Variants in GRM5 observed in about 807,000 individuals in gnomAD.
GRM5 encodes the protein metabotropic glutamate receptor 5.
GRM5 carries 19 observed loss-of-function variants against 83.1 expected under a neutral mutation model. The ratio of observed to expected loss-of-function variants is 0.23; its 90% CI spans 0.16 to 0.34. The LOEUF (loss-of-function observed/expected upper bound fraction) is 0.34, where lower values mean the gene tolerates loss of function less well. Among genes scored for constraint, GRM5 ranks in the 10% least tolerant of loss-of-function variants. The probability of loss-of-function intolerance (pLI) is 1.00; values close to 1 mark genes in which losing one functional copy is unlikely to be tolerated. For synonymous variants in GRM5, 675 were observed against 633.6 expected (o/e 1.07, Z -0.98); for missense variants, 1,160 against 1,588.3 (o/e 0.73, Z 4.58).
chr11:88,678,869 A>G (rs1049064252), intron 3 of GRM5, among the ~76,000 whole-genome samples: 8 of 152,080 alleles, frequency 5.3e-5, no homozygotes, highest in Admixed American at 1.3e-4. Context: ...AAGAAAAAGT[A>G]TCCCATTTGA....
At chr11:88,812,353 A>C (rs1943602823) in intron 3 of GRM5, among the ~76,000 whole-genome samples, 1 of 152,154 alleles carries the variant, frequency 6.6e-6, no homozygotes, top group South Asian at 2.1e-4. Flanking sequence ...GTTATGTCTG[A>C]ATAAGAATCT....
chr11:88,893,174 T>C (rs998804509), intron 2 of GRM5, among the ~76,000 whole-genome samples: 1 of 151,336 alleles, frequency 6.6e-6, no homozygotes, highest in African/African-American at 2.4e-5. Flanking sequence ...AAAAGAAGTA[T>C]GAAAGTTTTA....
At chr11:88,725,869 A>T (rs1217807322) in intron 3 of GRM5, among the ~76,000 whole-genome samples, 1 of 151,482 alleles carries the variant, frequency 6.6e-6, no homozygotes, top group Admixed American at 6.6e-5. Context: ...TCCACAAAAA[A>T]CTCCATCTGA....
chr11:88,509,380 G>T lies in GRM5; in HGVS notation c.2851C>A (p.Pro951Thr). 1 of 1,612,584 alleles carries T rather than the reference G, an allele frequency of 6.2e-7. No individual in the cohort carries two copies. The change falls in exon 10 of 10, where the codon CCC (proline) becomes ACC (threonine). Residue 951 changes from proline to threonine, a missense_variant. This residue lies in a region of GRM5 where 562 missense variants were observed against 532.4 expected (regional missense o/e 1.06). Coordinates refer to ENST00000305447, the MANE Select transcript of GRM5 (RefSeq NM_001143831.3). ...ENPNQTAVIK[P>T]FPKSTESRGL... ...CGGCTCTCCGTGCTCTTGGGGAAGG[G>T]CTTGATGACGGCCGTTTGGTTGGGG...
chr11:88,711,091 G>A (rs1359372616), intron 3 of GRM5, among the ~76,000 whole-genome samples: 1 of 152,004 alleles, frequency 6.6e-6, no homozygotes, highest in Non-Finnish European at 1.5e-5. Flanking sequence ...TGCACCATTG[G>A]GGCCTACTTA....
intron 6 of GRM5, among the ~76,000 whole-genome samples, chr11:88,596,032 TG>T (rs1262628118): frequency 6.6e-6 from 1 of 152,228 alleles, no homozygotes; most frequent in Non-Finnish European, 1.5e-5. Flanking sequence ...CTTTAATCAC[TG>T]GATGGCTATT....
chr11:88,929,253 G>T lies in GRM5; in HGVS notation c.662-79098C>A, dbSNP rs187970086. Among the ~76,000 whole-genome samples, 386 of 151,898 alleles carry T rather than the reference G, an allele frequency of 2.5e-3. 2 individuals are homozygous for T. The highest frequency in any genetic ancestry group is 9.1e-3 in the African/African-American group (377 of 41,448). On this transcript the variant is annotated intron_variant, in intron 2 of 9. Transcript: ENST00000305447. ...GAAAGTTCTTCAATTATCATTTAAA[G>T]AAAATTATTTATTAAACTATTAAAC...
At position 88,940,046 on chromosome 11, in the gene GRM5, A is replaced by T. The variant is rs143533084; in HGVS notation, c.662-89891T>A. Among the ~76,000 whole-genome samples, 22 of 152,070 alleles carry T rather than the reference A, an allele frequency of 1.4e-4. No homozygotes were observed. In the East Asian group the frequency reaches 4.1e-3, roughly 28 times the overall value. ...TGTTATCTTGCTCAAATATCATTCA[A>T]TGAAGCTTACTGATTTCTCTCACAC... On this transcript the variant is annotated intron_variant, in intron 2 of 9. Coordinates refer to ENST00000305447, the MANE Select transcript of GRM5 (RefSeq NM_001143831.3).
chr11:88,735,181 TCAC>T (rs892125708), intron 3 of GRM5, among the ~76,000 whole-genome samples: 12 of 151,990 alleles, frequency 7.9e-5, no homozygotes, highest in African/African-American at 2.7e-4. Context: ...ATGATGATAT[TCAC>T]CACATTCTCA....
intron 2 of GRM5, among the ~76,000 whole-genome samples, chr11:88,904,383 CA>C (rs1219698772): frequency 2.8e-4 from 42 of 152,140 alleles, no homozygotes; most frequent in Non-Finnish European, 4.6e-4. Context: ...CATATTTTTT[CA>C]AAGCCATAAG....
chr11:89,057,101 A>G (rs2135166190), intron 1 of GRM5, among the ~76,000 whole-genome samples: 1 of 152,294 alleles, frequency 6.6e-6, no homozygotes, highest in Non-Finnish European at 1.5e-5. Context: ...TCTGGCACAG[A>G]TGTCTCTTAT....
intron 3 of GRM5, among the ~76,000 whole-genome samples, chr11:88,780,095 G>A (rs2135461750): frequency 6.6e-6 from 1 of 152,290 alleles, no homozygotes; most frequent in South Asian, 2.1e-4. Context: ...CTGCACAGAT[G>A]AGGGAGGTCT....
At chr11:88,810,338 G>A (rs972171409) in intron 3 of GRM5, among the ~76,000 whole-genome samples, 1 of 152,046 alleles carries the variant, frequency 6.6e-6, no homozygotes, top group Admixed American at 6.6e-5. Flanking sequence ...AGGAATAAAA[G>A]AGGATTAGTC....
At chr11:88,991,494 C>T (rs1430101729) in intron 2 of GRM5, among the ~76,000 whole-genome samples, 1 of 151,704 alleles carries the variant, frequency 6.6e-6, no homozygotes, top group Non-Finnish European at 1.5e-5. Context: ...CCTTTCTTCA[C>T]AGAATTGGAA....
intron 3 of GRM5, among the ~76,000 whole-genome samples, chr11:88,836,114 A>G (rs1343629272): frequency 2.6e-5 from 4 of 152,240 alleles, no homozygotes. Context: ...TAATACTGCT[A>G]TGTAAGTAGG....
chr11:88,643,243 A>G (rs1188215959), intron 4 of GRM5, among the ~76,000 whole-genome samples: 1 of 145,646 alleles, frequency 6.9e-6, no homozygotes, highest in East Asian at 2.1e-4. Flanking sequence ...GGAGCAAAAG[A>G]CAGAGTAGGG....
intron 3 of GRM5, among the ~76,000 whole-genome samples, chr11:88,736,296 C>G (rs1349408531): frequency 6.6e-6 from 1 of 152,088 alleles, no homozygotes; most frequent in Non-Finnish European, 1.5e-5. Context: ...CAGAAACTGA[C>G]TTCTGCGGGA....
intron 2 of GRM5, among the ~76,000 whole-genome samples, chr11:89,002,205 G>C (rs1361259292): frequency 6.6e-6 from 1 of 152,128 alleles, no homozygotes; most frequent in Non-Finnish European, 1.5e-5. Flanking sequence ...ACATGCCAAA[G>C]TAATGGTAAT....
intron 2 of GRM5, among the ~76,000 whole-genome samples, chr11:88,967,231 G>GTATATATATATATACACATATATATATA (rs1278997186): frequency 3.7e-5 from 5 of 133,612 alleles, no homozygotes; most frequent in Non-Finnish European, 4.8e-5. Context: ...GTGTGTGTAT[G>GTATATATATATATACACATATATATATA]TATATATATA....
Sources: allele counts gnomAD v4.1 joint callset (sites outside exome capture counted in the v4.1 genomes callset), GRCh38; gene constraint gnomAD v4.1.1; regional missense constraint gnomAD v4.1.1; transcripts MANE v1.5; gene names NCBI Gene and HGNC (gene_info 2026-07-23, HGNC 2026-07-21).